Variants in QTMAN observed in about 807,000 individuals in gnomAD.
QTMAN encodes the protein queuosine-tRNA mannosyltransferase, also known as tRNA-queuosine alpha-mannosyltransferase.
chr2:144,278,735 G>A, the QTMAN span, among the ~76,000 whole-genome samples: 17 of 151,914 alleles, frequency 1.1e-4, no homozygotes, highest in East Asian at 2.1e-3. Context: ...ATTATCCACC[G>A]TGATGGAATC....
the QTMAN span, among the ~76,000 whole-genome samples, chr2:144,239,619 T>C: frequency 2.0e-5 from 3 of 152,200 alleles, no homozygotes; most frequent in Non-Finnish European, 4.4e-5. Context: ...CCCAGCCCTT[T>C]TCTTTAAACT....
At chr2:143,962,721 C>G in the QTMAN span, among the ~76,000 whole-genome samples, 1 of 152,116 alleles carries the variant, frequency 6.6e-6, no homozygotes, top group Admixed American at 6.6e-5. Flanking sequence ...TCTTAGTTAC[C>G]TGTTCACTAT....
At chr2:144,314,015 C>T in the QTMAN span, among the ~76,000 whole-genome samples, 3 of 151,736 alleles carry the variant, frequency 2.0e-5, no homozygotes, top group African/African-American at 7.3e-5. Context: ...TAAAACATAG[C>T]AATCCTATCA....
the QTMAN span, among the ~76,000 whole-genome samples, chr2:143,980,196 C>A: frequency 1.3e-5 from 2 of 152,030 alleles, no homozygotes; most frequent in African/African-American, 2.4e-5. Flanking sequence ...CCCCACCAAC[C>A]CTCTGACAGG....
the QTMAN span, among the ~76,000 whole-genome samples, chr2:144,332,821 A>G: frequency 6.6e-6 from 1 of 151,954 alleles, no homozygotes; most frequent in South Asian, 2.1e-4. Flanking sequence ...CCGCCCTTTC[A>G]GCTTTTTCGT....
At chr2:144,144,934 T>G in the QTMAN span, among the ~76,000 whole-genome samples, 1 of 151,862 alleles carries the variant, frequency 6.6e-6, no homozygotes, top group Admixed American at 6.6e-5. Flanking sequence ...TGTTATTAAC[T>G]TCTTTCATTA....
chr2:144,185,976 A>C, the QTMAN span, among the ~76,000 whole-genome samples: 6 of 152,222 alleles, frequency 3.9e-5, no homozygotes, highest in Non-Finnish European at 8.8e-5. Context: ...TGCCTGTATA[A>C]TAACAGAGCA....
At chr2:143,988,372 C>A in the QTMAN span, among the ~76,000 whole-genome samples, 4 of 152,130 alleles carry the variant, frequency 2.6e-5, no homozygotes, top group Non-Finnish European at 4.4e-5. Flanking sequence ...TCAGGCAGGG[C>A]AATATTCTTT....
the QTMAN span, among the ~76,000 whole-genome samples, chr2:144,242,687 C>G: frequency 6.6e-6 from 1 of 152,028 alleles, no homozygotes. Flanking sequence ...AGAGGCCAGG[C>G]GTGGTGGCTC....
chr2:143,947,151 G>A, the QTMAN span: 1 of 1,584,210 alleles, frequency 6.3e-7, no homozygotes, highest in South Asian at 1.1e-5. Flanking sequence ...ACGAGGAGGA[G>A]GGAGAGAAGA....
At chr2:144,252,805 T>G in the QTMAN span, among the ~76,000 whole-genome samples, 1 of 152,240 alleles carries the variant, frequency 6.6e-6, no homozygotes, top group East Asian at 1.9e-4. Context: ...CAAATGTTTA[T>G]ATCAGTTTTA....
the QTMAN span, among the ~76,000 whole-genome samples, chr2:144,167,628 T>TC: frequency 1.3e-5 from 2 of 152,178 alleles, no homozygotes; most frequent in East Asian, 3.9e-4. Context: ...TTGCACTTAC[T>TC]CCTTCCTGCC....
the QTMAN span, among the ~76,000 whole-genome samples, chr2:143,948,137 A>C: frequency 6.6e-6 from 1 of 152,212 alleles, no homozygotes; most frequent in Non-Finnish European, 1.5e-5. Context: ...CTATAAGGTG[A>C]CCAGTTTCTT....
the QTMAN span, chr2:143,940,993 T>C: frequency 3.9e-5 from 6 of 152,210 alleles, no homozygotes; most frequent in Admixed American, 1.3e-4. Flanking sequence ...TAGCAACTTA[T>C]TAACACGTTT....
chr2:144,097,387 G>T, the QTMAN span, among the ~76,000 whole-genome samples: 1 of 152,288 alleles, frequency 6.6e-6, no homozygotes, highest in Admixed American at 6.5e-5. Context: ...TCCATGAGGA[G>T]TTGACAGGTT....
chr2:144,030,440 A>T, the QTMAN span, among the ~76,000 whole-genome samples: 1 of 152,180 alleles, frequency 6.6e-6, no homozygotes, highest in Non-Finnish European at 1.5e-5. Context: ...ATCAACCATG[A>T]CTGCTGGTTT....
the QTMAN span, among the ~76,000 whole-genome samples, chr2:144,217,341 G>A: frequency 6.6e-6 from 1 of 151,680 alleles, no homozygotes; most frequent in Non-Finnish European, 1.5e-5. Context: ...TTCACTGCAG[G>A]CACAGGATAC....
the QTMAN span, among the ~76,000 whole-genome samples, chr2:144,099,952 C>T: frequency 6.6e-6 from 1 of 152,188 alleles, no homozygotes; most frequent in Admixed American, 6.5e-5. Flanking sequence ...TGTTATTAGT[C>T]ACTTTACCCT....
At chr2:143,942,314 G>A in the QTMAN span, 2 of 167,264 alleles carry the variant, frequency 1.2e-5, no homozygotes, top group South Asian at 2.1e-4. Flanking sequence ...TGCAGAGTGA[G>A]TGAGGATCCT....
Sources: allele counts gnomAD v4.1 joint callset (sites outside exome capture counted in the v4.1 genomes callset), GRCh38; gene constraint gnomAD v4.1.1; transcripts MANE v1.5; gene names NCBI Gene and HGNC (gene_info 2026-07-23, HGNC 2026-07-21).